CNGA4: variants seen among roughly 807,000 people sequenced by gnomAD.
CNGA4 encodes the protein cyclic nucleotide-gated channel alpha-4.
Under a neutral mutation model 45.6 loss-of-function variants are expected in CNGA4, and 32 were observed. That is an observed-to-expected ratio of 0.70 (90% confidence interval 0.53 to 0.94). The LOEUF is 0.94. Ranked by LOEUF, CNGA4 falls within the 40% of genes least tolerant of loss-of-function variation. The pLI is 0.00. For synonymous variants in CNGA4, 293 were observed against 304.6 expected, an observed-to-expected ratio of 0.96 and a Z score of 0.40; for missense variants, 726 against 755.1, an observed-to-expected ratio of 0.96 and a Z score of 0.45.
Position 6,240,235 on chromosome 11 carries a change from G to C in CNGA4, c.441G>C (p.Ala147=), listed in dbSNP as rs767196089. ...PTLRLNRFLR[A]PRLFEAFDRT... is the part of the protein sequence containing the mutation. Reference sequence around the variant, plus strand: ...TGAGGCTGAACCGCTTTCTCCGCGCGCCCCGCCTCTTCGAGGCCTTCGACC... The same window carrying C: ...TGAGGCTGAACCGCTTTCTCCGCGCCCCCCGCCTCTTCGAGGCCTTCGACC... Residue 147 remains alanine, a synonymous_variant, in exon 4 of 6, where the codon GCG becomes GCC. Coordinates refer to ENST00000379936, the MANE Select transcript of CNGA4 (RefSeq NM_001037329.4). The surrounding 1 kb of genome is among the most constrained non-coding windows in gnomAD (Gnocchi z 4.9). 6.2e-7 allele frequency: 1 copy of C among 1,614,200 alleles called. No individual in the cohort carries two copies. Among genetic ancestry groups the C allele is most frequent in the Non-Finnish European group, 8.5e-7 (1 of 1,180,040 alleles).
chr11:6,244,311 G>A lies in CNGA4; in HGVS notation c.1630G>A (p.Asp544Asn), dbSNP rs531466078. 4.0e-5 allele frequency: 64 copies of A among 1,614,134 alleles called. No individual in the cohort carries two copies. The South Asian group carries it at 6.8e-4, about 17-fold the overall frequency. The change falls in exon 6 of 6, where the codon GAC becomes AAC. Residue 544 changes from aspartate (D) to asparagine (N), a missense_variant. By Grantham distance (23) the Asp-to-Asn change is conservative. Transcript: ENST00000379936. This position sits in a 1 kb window ranked among gnomAD's most constrained non-coding sequence, Gnocchi z 4.5. ...WQTREWPMPE[D>N]LAEADDEGEP... ...GACTCGAGAGTGGCCAATGCCCGAG[G>A]ACCTGGCTGAGGCTGATGACGAGGG...
At chr11:6,236,711 A>C (rs560423705), upstream of CNGA4, among the ~76,000 whole-genome samples, 26 of 152,314 alleles carry the variant, frequency 1.7e-4, no homozygotes, top group African/African-American at 6.0e-4. Flanking sequence ...CACTTTGTGA[A>C]AATGTATTAA....
upstream of CNGA4, among the ~76,000 whole-genome samples, chr11:6,236,644 T>C (rs537464965): frequency 1.2e-4 from 18 of 152,350 alleles, no homozygotes; most frequent in African/African-American, 4.1e-4. Context: ...GTGGGGCTCC[T>C]GAGGCACTGG....
At chr11:6,239,939 C>T (rs1847887129) in intron 3 of CNGA4, 127 bp from the exon 4 acceptor site, 3 of 1,395,192 alleles carry the variant, frequency 2.2e-6, no homozygotes, top group Non-Finnish European at 2.9e-6. Context: ...CCCGGAAAGC[C>T]GGGAGCAGAG....
upstream of CNGA4, among the ~76,000 whole-genome samples, chr11:6,238,535 C>T (rs148017740): frequency 1.3e-3 from 203 of 152,240 alleles, no homozygotes; most frequent in Non-Finnish European, 1.7e-3. Context: ...GGATCAGGCA[C>T]TAGAAGTCAC....
In CNGA4 at chr11:6,240,301, T is replaced by C; in HGVS notation, c.507T>C (p.Ile169=). The change falls in exon 4 of 6, where the codon ATT becomes ATC. Residue 169 remains isoleucine (I), a synonymous_variant. Transcript: ENST00000379936. This position sits in a 1 kb window ranked among gnomAD's most constrained non-coding sequence, Gnocchi z 4.9. ...CAGCTTACCCAAATGCCTTTCGCAT[T>C]GCCAAGCTGATGCTTTACATTTTTG... ...TRTAYPNAFR[I]AKLMLYIFVV... is the part of the protein sequence containing the mutation. 6.2e-7 allele frequency: 1 copy of C among 1,614,190 alleles called. No homozygotes were observed. The highest frequency in any genetic ancestry group is 8.5e-7 in the Non-Finnish European group (1 of 1,180,012).
chr11:6,241,600 A>C lies in CNGA4; in HGVS notation c.1087A>C (p.Lys363Gln). 1 of 1,614,096 alleles carries C rather than the reference A, an allele frequency of 6.2e-7. No individual in the cohort carries two copies. The highest frequency in any genetic ancestry group is 1.1e-5 in the South Asian group (1 of 91,084). The change falls in exon 5 of 6, where the codon AAG becomes CAG. Residue 363 changes from lysine (K) to glutamine (Q), a missense_variant. Transcript: ENST00000379936. Reference protein sequence around the residue: ...EASLLEELVLKLQPQTYSPGE... With the variant: ...EASLLEELVLQLQPQTYSPGE... ...CAGCCTGCTGGAGGAGCTGGTGCTG[A>C]AGCTGCAGCCCCAGACCTACTCACC...
Position 6,239,678 on chromosome 11 carries a change from C to T in CNGA4, c.165-6C>T. 6.2e-7 allele frequency: 1 copy of T among 1,613,778 alleles called. No individual in the cohort carries two copies. Among genetic ancestry groups the T allele is most frequent in the Non-Finnish European group, 8.5e-7 (1 of 1,179,820 alleles). ...TAATTCAATCATGCTTAACCCTGCC[C>T]TGCAGAGCCTGCTTCCCCGACTTGC... On this transcript the variant is annotated splice_polypyrimidine_tract_variant and splice_region_variant and intron_variant, in intron 2 of 5. Transcript: ENST00000379936.
At chr11:6,243,365 G>C (rs1847944560) in intron 5 of CNGA4, among the ~76,000 whole-genome samples, 1 of 152,162 alleles carries the variant, frequency 6.6e-6, no homozygotes, top group South Asian at 2.1e-4. Context: ...GAAGGCAAAG[G>C]GGGAGCAGGC....
At position 6,240,583 on chromosome 11, in the gene CNGA4, T is replaced by C; in HGVS notation, c.789T>C (p.Gly263=). 1 of 1,614,166 alleles carries C rather than the reference T, an allele frequency of 6.2e-7. No individual in the cohort carries two copies. The change falls in exon 4 of 6, where the codon GGT becomes GGC. Residue 263 remains glycine (G), a synonymous_variant. Transcript: ENST00000379936. The surrounding 1 kb of genome is among the most constrained non-coding windows in gnomAD (Gnocchi z 4.9). ...TCATGGGTTTCGCCACCATCATGGG[T>C]AGCATGAGCTCTGTCATCTACAACA... The part of the protein sequence containing the change: ...LAVMGFATIM[G]SMSSVIYNMN...
upstream of CNGA4, among the ~76,000 whole-genome samples, chr11:6,238,693 C>T (rs1847867782): frequency 6.6e-6 from 1 of 152,224 alleles, no homozygotes; most frequent in African/African-American, 2.4e-5. Context: ...TGAGAGGCAT[C>T]TCTTTGTCCC....
At chr11:6,237,338 G>C (rs1458173070), upstream of CNGA4, among the ~76,000 whole-genome samples, 1 of 152,200 alleles carries the variant, frequency 6.6e-6, no homozygotes, top group Non-Finnish European at 1.5e-5. Flanking sequence ...AAAAGTGGAG[G>C]AAGATAATGA....
At chr11:6,237,984 A>C (rs1847859239), upstream of CNGA4, among the ~76,000 whole-genome samples, 1 of 152,148 alleles carries the variant, frequency 6.6e-6, no homozygotes, top group Non-Finnish European at 1.5e-5. Flanking sequence ...AAGCCAATTG[A>C]TATTTGCCCA....
chr11:6,240,229 CCG>C lies in CNGA4; in HGVS notation c.441_442del (p.Arg149ProfsTer50). On this transcript the variant is annotated frameshift_variant, in exon 4 of 6. Coordinates refer to ENST00000379936, the MANE Select transcript of CNGA4 (RefSeq NM_001037329.4). LOFTEE classifies it high-confidence loss of function. The surrounding 1 kb of genome is among the most constrained non-coding windows in gnomAD (Gnocchi z 4.9). Reference protein sequence around the residue: ...TPTLRLNRFLRAPRLFEAFDR... With the variant: ...TPTLRLNRFLXAPRLFEAFDR... ...CCACCCTGAGGCTGAACCGCTTTCT[CCG>C]CGCGCCCCGCCTCTTCGAGGCCTTC... 2 of 1,614,216 alleles carry C rather than the reference CCG, an allele frequency of 1.2e-6. No homozygotes were observed. Among genetic ancestry groups the C allele is most frequent in the Non-Finnish European group, 1.7e-6 (2 of 1,180,028 alleles).
chr11:6,239,570 G>A, intron 2 of CNGA4, 85 bp downstream of exon 2: 3 of 1,556,154 alleles, frequency 1.9e-6, no homozygotes, highest in Non-Finnish European at 2.7e-6. Flanking sequence ...CCTTGGTGGG[G>A]CAGGAGGAGC....
At chr11:6,239,956 C>A in intron 3 of CNGA4, 110 bp from the exon 4 acceptor site, 1 of 1,441,040 alleles carries the variant, frequency 6.9e-7, no homozygotes, top group Non-Finnish European at 9.5e-7. Context: ...AGAGTTATGC[C>A]TGGCTCCACT....
rs745412281 is a variant in CNGA4 at position 6,240,273 on chromosome 11, G to A, written c.479G>A (p.Arg160His). 9.3e-6 allele frequency: 15 copies of A among 1,614,064 alleles called. No individual in the cohort carries two copies. The highest frequency in any genetic ancestry group is 2.2e-5 in the East Asian group (1 of 44,896). ...LFEAFDRTET[R>H]TAYPNAFRIA... ...GAGGCCTTCGACCGCACAGAGACCC[G>A]CACAGCTTACCCAAATGCCTTTCGC... The change falls in exon 4 of 6, where the codon CGC becomes CAC. Residue 160 changes from arginine to histidine, a missense_variant. Coordinates refer to ENST00000379936, the MANE Select transcript of CNGA4 (RefSeq NM_001037329.4). The surrounding 1 kb of genome is among the most constrained non-coding windows in gnomAD (Gnocchi z 4.9).
intron 5 of CNGA4, among the ~76,000 whole-genome samples, chr11:6,242,760 G>A (rs1002008664): frequency 6.6e-6 from 1 of 152,142 alleles, no homozygotes; most frequent in African/African-American, 2.4e-5. Context: ...GGCATCCAGC[G>A]CAGTGCTTGG....
At position 6,243,950 on chromosome 11, in the gene CNGA4, G is replaced by GAAC; in HGVS notation, c.1271_1273dup (p.Asn424dup). 1 of 1,612,218 alleles carries GAAC rather than the reference G, an allele frequency of 6.2e-7. No individual in the cohort carries two copies. On this transcript the variant is annotated inframe_insertion and splice_region_variant, in exon 6 of 6. Coordinates refer to ENST00000379936, the MANE Select transcript of CNGA4 (RefSeq NM_001037329.4). ...CCCATCTCTGCCCATGAGCCACAGGGAACATGTCTGGGAACCGCCGCACAG... is the reference window on the plus strand; with the variant it reads ...CCCATCTCTGCCCATGAGCCACAGGGAACAACATGTCTGGGAACCGCCGCACAG...
Sources: allele counts gnomAD v4.1 joint callset (sites outside exome capture counted in the v4.1 genomes callset), GRCh38; gene constraint gnomAD v4.1.1; non-coding constraint Gnocchi (gnomAD v3.1); transcripts MANE v1.5; gene names NCBI Gene and HGNC (gene_info 2026-07-23, HGNC 2026-07-21).